RBM44: variants seen among roughly 807,000 people sequenced by gnomAD.
The protein encoded by RBM44 is RNA binding motif protein 44, also known as RNA-binding protein 44.
A neutral mutation model predicts 105.1 loss-of-function variants in RBM44; 66 were observed. The observed-to-expected ratio is 0.63, with a 90% CI of 0.52 to 0.77. The LOEUF is 0.77. Among genes scored for constraint, RBM44 ranks in the 30% least tolerant of loss-of-function variants. RBM44 has a pLI of 0.00. For synonymous variants in RBM44, 365 were observed against 417.6 expected (o/e 0.87, Z 1.54); for missense variants, 1,122 against 1,207.8 (o/e 0.93, Z 1.05).
chr2:237,804,601 G>C (rs544235873), intron 1 of RBM44, among the ~76,000 whole-genome samples: 1 of 152,120 alleles, frequency 6.6e-6, no homozygotes, highest in African/African-American at 2.4e-5. Flanking sequence ...AGACGTGTCT[G>C]TTTATGTCCT....
chr2:237,832,559 C>T (rs1345632981), intron 13 of RBM44, among the ~76,000 whole-genome samples: 2 of 152,088 alleles, frequency 1.3e-5, no homozygotes, highest in East Asian at 1.9e-4. Context: ...TGGCAGTGGG[C>T]CATGGGGTTG....
At position 237,821,364 on chromosome 2, in the gene RBM44, CAT is replaced by C. The variant is rs751171926; in HGVS notation, c.2117_2118del (p.His706ArgfsTer8). 1.7e-5 allele frequency: 26 copies of C among 1,557,128 alleles called. No homozygotes were observed. Among genetic ancestry groups the C allele is most frequent in the East Asian group, 1.2e-4 (5 of 43,338 alleles). On this transcript the variant is annotated frameshift_variant and splice_region_variant, in exon 7 of 16. Coordinates refer to ENST00000316997, the MANE Select transcript of RBM44 (RefSeq NM_001080504.3). LOFTEE classifies it high-confidence loss of function. The part of the protein sequence containing the change: ...FASRLMKKET[H>X]VFSEADAEQD... ...CTTCCAGCTAATGAAAAAAGAAACA[CAT>C]GTGTGAGTTATGGTTTCATTTGATT...
At chr2:237,800,608 G>T (rs1056237917) in intron 1 of RBM44, among the ~76,000 whole-genome samples, 1 of 151,916 alleles carries the variant, frequency 6.6e-6, no homozygotes, top group Non-Finnish European at 1.5e-5. Context: ...CTTAAGTAAC[G>T]AATGTATTTT....
intron 10 of RBM44, among the ~76,000 whole-genome samples, chr2:237,826,355 A>G (rs2061847846): frequency 1.3e-5 from 2 of 152,120 alleles, no homozygotes; most frequent in African/African-American, 4.8e-5. Flanking sequence ...TTCACAATAG[A>G]GACTATGAAA....
intron 1 of RBM44, among the ~76,000 whole-genome samples, chr2:237,810,201 T>G (rs970919255): frequency 4.3e-4 from 66 of 152,356 alleles, no homozygotes; most frequent in African/African-American, 1.3e-3. Flanking sequence ...TTAACCAGAT[T>G]TCAAGTGTTT....
intron 6 of RBM44, 38 bp downstream of exon 6, chr2:237,821,292 C>A (rs1167580352): frequency 1.3e-6 from 2 of 1,553,584 alleles, no homozygotes; most frequent in South Asian, 1.2e-5. Flanking sequence ...AATTTTACTT[C>A]ATTTAGACAA....
chr2:237,805,187 C>T (rs1307759376), intron 1 of RBM44, among the ~76,000 whole-genome samples: 4 of 152,088 alleles, frequency 2.6e-5, no homozygotes, highest in Admixed American at 6.6e-5. Flanking sequence ...CATTTATATA[C>T]GCCAACAATG....
intron 13 of RBM44, among the ~76,000 whole-genome samples, chr2:237,831,875 G>A (rs906363754): frequency 6.6e-6 from 1 of 152,156 alleles, no homozygotes; most frequent in African/African-American, 2.4e-5. Flanking sequence ...TCTACAGCAG[G>A]AAGGAAGGAA....
At chr2:237,829,904 C>T (rs2061887181) in intron 13 of RBM44, among the ~76,000 whole-genome samples, 1 of 151,902 alleles carries the variant, frequency 6.6e-6, no homozygotes, top group South Asian at 2.1e-4. Flanking sequence ...AGGTAAACAC[C>T]CTGTGAAAAG....
intron 8 of RBM44, among the ~76,000 whole-genome samples, chr2:237,823,149 T>G (rs941381890): frequency 6.6e-6 from 1 of 151,696 alleles, no homozygotes; most frequent in Non-Finnish European, 1.5e-5. Flanking sequence ...CTCCAAAAAT[T>G]ATCTCGATTA....
chr2:237,820,321 T>A lies in RBM44; in HGVS notation c.1883T>A (p.Leu628His). Residue 628 changes from leucine to histidine, a missense_variant, in exon 5 of 16, where the codon CTT becomes CAT. Physicochemically the swap from Leu to His is moderately conservative, Grantham distance 99. Around this residue, in one of 3 missense-constraint regions of RBM44, gnomAD observed 918 missense variants for 955.3 expected, o/e 0.96. Coordinates refer to ENST00000316997, the MANE Select transcript of RBM44 (RefSeq NM_001080504.3). ...CGCCATTGTTGTGATATTTACAAAC[T>A]TGTCATGGAAAATAGGGAAGGATTA... ...CRRHCCDIYK[L>H]VMENREGLNM... 6.3e-7 allele frequency: 1 copy of A among 1,597,096 alleles called. No homozygotes were observed. Among genetic ancestry groups the A allele is most frequent in the Non-Finnish European group, 8.5e-7 (1 of 1,171,590 alleles).
At chr2:237,811,682 A>T (rs1189548858) in intron 1 of RBM44, among the ~76,000 whole-genome samples, 10 of 141,368 alleles carry the variant, frequency 7.1e-5, no homozygotes, top group Admixed American at 5.7e-4. Flanking sequence ...CTGAGTCTTT[A>T]AAAAAAAAAA....
At chr2:237,800,249 G>A (rs962380540) in intron 1 of RBM44, among the ~76,000 whole-genome samples, 5 of 152,130 alleles carry the variant, frequency 3.3e-5, no homozygotes, top group African/African-American at 1.2e-4. Flanking sequence ...ATATTTTCAT[G>A]TGTTTATTGG....
rs371676190 is a variant in RBM44, at chr2:237,833,009, G to A, written c.2887-988G>A. Among the ~76,000 whole-genome samples the A allele has an allele frequency of 1.4e-4, 22 of 152,308 alleles. No individual in the cohort carries two copies. The South Asian group carries it at 4.4e-3, about 30-fold the overall frequency. On this transcript the variant is annotated intron_variant, in intron 13 of 15. Transcript: ENST00000316997. ...TACCCAGAAAATATTAGCTGTTGTT[G>A]TTATTACTTACCAATAATTTGGCTT...
Position 237,841,039 on chromosome 2 carries a change from T to C in RBM44, c.*23-800T>C, listed in dbSNP as rs1291209834. Among the ~76,000 whole-genome samples, 2 of 152,202 alleles carry C rather than the reference T, an allele frequency of 1.3e-5. No individual in the cohort carries two copies. The highest frequency in any genetic ancestry group is 6.5e-5 in the Admixed American group (1 of 15,280). ...TTTCTCAAAGAACTTAAAACAGAAC[T>C]ACCATTCGGGCCAGCAATCCCATTG... On this transcript the variant is annotated intron_variant, in intron 15 of 15. Coordinates refer to ENST00000316997, the MANE Select transcript of RBM44 (RefSeq NM_001080504.3). The surrounding 1 kb of genome is among the most constrained non-coding windows in gnomAD (Gnocchi z 4.5).
At chr2:237,805,479 A>G (rs1333190620) in intron 1 of RBM44, among the ~76,000 whole-genome samples, 1 of 152,250 alleles carries the variant, frequency 6.6e-6, no homozygotes, top group African/African-American at 2.4e-5. Context: ...CACAATTAGA[A>G]AAAACTATTC....
At chr2:237,823,137 A>G (rs557727512) in intron 8 of RBM44, among the ~76,000 whole-genome samples, 83 of 151,654 alleles carry the variant, frequency 5.5e-4, no homozygotes, top group Non-Finnish European at 1.1e-3. Flanking sequence ...ATATATATAC[A>G]CCTCCAAAAA....
intron 12 of RBM44, among the ~76,000 whole-genome samples, chr2:237,828,124 C>CA (rs2061866405): frequency 1.3e-5 from 2 of 152,118 alleles, no homozygotes; most frequent in Non-Finnish European, 2.9e-5. Flanking sequence ...TGTAGTCAGT[C>CA]TGAGTATGTA....
intron 8 of RBM44, 24 bp from the exon 9 acceptor site, chr2:237,823,416 T>G (rs745785496): frequency 9.4e-7 from 1 of 1,063,930 alleles, no homozygotes; most frequent in African/African-American, 1.6e-5. Flanking sequence ...CCTTATTTAT[T>G]GTTTTTATTA....
Sources: gnomAD v4.1 joint callset for allele counts (sites outside exome capture counted in the v4.1 genomes callset) on GRCh38, gnomAD v4.1.1 for gene constraint, gnomAD v4.1.1 regional missense constraint, Gnocchi (gnomAD v3.1) non-coding constraint, MANE v1.5 for transcripts, NCBI Gene and HGNC (gene_info 2026-07-23, HGNC 2026-07-21) for gene names.